Variants in SRRM4 observed in about 807,000 individuals in gnomAD.
SRRM4 encodes serine/arginine repetitive matrix 4, also known as serine/arginine repetitive matrix protein 4.
In SRRM4, 33 loss-of-function variants were observed where a neutral mutation model predicts 68.9. The ratio of observed to expected loss-of-function variants is 0.48; its 90% CI spans 0.36 to 0.64. The LOEUF is 0.64. Among genes scored for constraint, SRRM4 ranks in the 30% least tolerant of loss-of-function variants. The pLI is 0.00. For missense variants in SRRM4, 817 were observed against 827.1 expected, an observed-to-expected ratio of 0.99 and a Z score of 0.15; for synonymous variants, 318 against 318.8, an observed-to-expected ratio of 1.00 and a Z score of 0.03.
Position 119,032,270 on chromosome 12 carries a change from A to C in SRRM4, c.131+50257A>C, listed in dbSNP as rs76094712. Among the ~76,000 whole-genome samples, 472 of 152,324 alleles carry C rather than the reference A, an allele frequency of 3.1e-3. 3 individuals are homozygous for C. The highest frequency in any genetic ancestry group is 0.01 in the African/African-American group (423 of 41,582). ...GTGGAAATACCAATCCTGTTATTTCAGTTTTCTGCATTAATTAGAAATTCC... is the reference window on the plus strand; with the variant it reads ...GTGGAAATACCAATCCTGTTATTTCCGTTTTCTGCATTAATTAGAAATTCC... On this transcript the variant is annotated intron_variant, in intron 1 of 12. Transcript: ENST00000267260.
chr12:119,081,496 A>G (rs1242976621), intron 1 of SRRM4, among the ~76,000 whole-genome samples: 1 of 152,194 alleles, frequency 6.6e-6, no homozygotes, highest in East Asian at 1.9e-4. Flanking sequence ...AGTGGAGAGA[A>G]CAAGGGGAAA....
intron 1 of SRRM4, among the ~76,000 whole-genome samples, chr12:119,093,657 T>G (rs1954027496): frequency 6.6e-6 from 1 of 152,166 alleles, no homozygotes; most frequent in South Asian, 2.1e-4. Flanking sequence ...GTGACACAAC[T>G]TAGCAGAATC....
chr12:118,983,650 G>A (rs1953264177), intron 1 of SRRM4, among the ~76,000 whole-genome samples: 1 of 152,064 alleles, frequency 6.6e-6, no homozygotes, highest in African/African-American at 2.4e-5. Flanking sequence ...TTAGTCCAGA[G>A]TCTTCCATCT....
intron 1 of SRRM4, among the ~76,000 whole-genome samples, chr12:119,053,841 G>A (rs879584680): frequency 4.3e-4 from 66 of 152,170 alleles, no homozygotes; most frequent in Admixed American, 2.4e-3. Flanking sequence ...ACATCATGGA[G>A]AATGCAGTAT....
At chr12:119,096,339 T>A (rs1187339995) in intron 1 of SRRM4, among the ~76,000 whole-genome samples, 2 of 151,974 alleles carry the variant, frequency 1.3e-5, no homozygotes, top group African/African-American at 4.8e-5. Context: ...GGCCTCTCAG[T>A]TGATTCTTAT....
intron 8 of SRRM4, among the ~76,000 whole-genome samples, chr12:119,141,356 G>A (rs533244703): frequency 4.6e-5 from 7 of 152,218 alleles, no homozygotes; most frequent in Admixed American, 4.6e-4. Flanking sequence ...TGAATGTATC[G>A]AAATATCACA....
chr12:119,017,685 C>T (rs1482941878), intron 1 of SRRM4, among the ~76,000 whole-genome samples: 2 of 152,164 alleles, frequency 1.3e-5, no homozygotes, highest in East Asian at 3.9e-4. Flanking sequence ...CGGGGGCAGT[C>T]GAGAGTGAAG....
intron 1 of SRRM4, among the ~76,000 whole-genome samples, chr12:118,993,502 C>A (rs974342978): frequency 1.3e-5 from 2 of 152,148 alleles, no homozygotes; most frequent in African/African-American, 2.4e-5. Flanking sequence ...ATATCAATAG[C>A]CTTAGGAAGA....
rs1384988324 is a variant in SRRM4, at chr12:119,154,294, G to C, written c.1443G>C (p.Glu481Asp). 1.9e-6 allele frequency: 3 copies of C among 1,611,638 alleles called. No homozygotes were observed. Among genetic ancestry groups the C allele is most frequent in the Non-Finnish European group, 2.5e-6 (3 of 1,179,036 alleles). ...AGGACTCGCAGCAGCGGGAGCGCGA[G>C]CGAGCGCGTCGGAGACGTCGGTCCT... ...SEKDSQQRER[E>D]RARRRRRSYS... Residue 481 changes from glutamate (E) to aspartate (D), a missense_variant, in exon 12 of 13, where the codon GAG (glutamate) becomes GAC (aspartate). Coordinates refer to ENST00000267260, the MANE Select transcript of SRRM4 (RefSeq NM_194286.4). This position sits in a 1 kb window ranked among gnomAD's most constrained non-coding sequence, Gnocchi z 4.7.
At chr12:119,073,637 T>C (rs536023380) in intron 1 of SRRM4, among the ~76,000 whole-genome samples, 12 of 152,192 alleles carry the variant, frequency 7.9e-5, no homozygotes, top group Non-Finnish European at 1.8e-4. Context: ...TCTCTCTTTT[T>C]TGAGACAAAG....
At chr12:119,013,906 C>T (rs1953465195) in intron 1 of SRRM4, among the ~76,000 whole-genome samples, 1 of 149,180 alleles carries the variant, frequency 6.7e-6, no homozygotes, top group Admixed American at 6.8e-5. Flanking sequence ...TCATTGCCCA[C>T]CCCAAAGTGT....
chr12:119,151,000 C>G lies in SRRM4; in HGVS notation c.1077-17C>G. 6.2e-7 allele frequency: 1 copy of G among 1,612,864 alleles called. No homozygotes were observed. The highest frequency in any genetic ancestry group is 8.5e-7 in the Non-Finnish European group (1 of 1,179,236). On this transcript the variant is annotated splice_polypyrimidine_tract_variant and intron_variant, in intron 9 of 12. Coordinates refer to ENST00000267260, the MANE Select transcript of SRRM4 (RefSeq NM_194286.4). The stretch of plus-strand genomic sequence containing the variant: ...GTAGTGGGCAGTCGGTGCTCATGGA[C>G]ATTTTCCCACCTGCAGGGGATTTCA...
rs763212452 is a variant in SRRM4 at position 119,156,480 on chromosome 12, C to G, written c.1533-15C>G. 3 of 1,581,608 alleles carry G rather than the reference C, an allele frequency of 1.9e-6. No individual in the cohort carries two copies. Among genetic ancestry groups the G allele is most frequent in the South Asian group, 1.2e-5 (1 of 85,488 alleles). On this transcript the variant is annotated splice_polypyrimidine_tract_variant and intron_variant, in intron 12 of 12. Transcript: ENST00000267260. Reference sequence around the variant, plus strand: ...AGGGGCCGGCCCTCATCCCTCCTCTCTCTGGTCTCTGCAGTGCCCGGAAAC... The same window carrying G: ...AGGGGCCGGCCCTCATCCCTCCTCTGTCTGGTCTCTGCAGTGCCCGGAAAC...
chr12:119,149,622 C>T (rs1178723601), intron 9 of SRRM4, among the ~76,000 whole-genome samples: 1 of 152,114 alleles, frequency 6.6e-6, no homozygotes, highest in East Asian at 1.9e-4. Flanking sequence ...TGAGGTCAAG[C>T]TAAAGCCAGA....
intron 1 of SRRM4, among the ~76,000 whole-genome samples, chr12:118,998,548 C>T (rs544698748): frequency 2.0e-5 from 3 of 152,180 alleles, no homozygotes; most frequent in Non-Finnish European, 2.9e-5. Context: ...ACATTTACTA[C>T]GCTGTTGGTG....
chr12:119,047,310 T>C (rs1273497715), intron 1 of SRRM4, among the ~76,000 whole-genome samples: 2 of 152,186 alleles, frequency 1.3e-5, no homozygotes, highest in Admixed American at 1.3e-4. Flanking sequence ...AGATTAATCA[T>C]TTCTTTTATT....
chr12:119,011,131 T>TA (rs989660976), intron 1 of SRRM4, among the ~76,000 whole-genome samples: 1 of 152,108 alleles, frequency 6.6e-6, no homozygotes, highest in South Asian at 2.1e-4. Context: ...ACATATTTAA[T>TA]AAAAAATGTT....
chr12:119,143,882 C>T (rs1403050488), intron 8 of SRRM4, among the ~76,000 whole-genome samples: 1 of 152,110 alleles, frequency 6.6e-6, no homozygotes, highest in Admixed American at 6.6e-5. Context: ...GATTTCTCAT[C>T]CCATAGGGAT....
intron 2 of SRRM4, among the ~76,000 whole-genome samples, chr12:119,104,052 A>G (rs1267687310): frequency 1.3e-5 from 2 of 152,214 alleles, no homozygotes; most frequent in African/African-American, 4.8e-5. Context: ...TGAGTGTACA[A>G]ATCTTGACCC....
Sources: gnomAD v4.1 joint callset for allele counts (sites outside exome capture counted in the v4.1 genomes callset) on GRCh38, gnomAD v4.1.1 for gene constraint, Gnocchi (gnomAD v3.1) non-coding constraint, MANE v1.5 for transcripts, NCBI Gene and HGNC (gene_info 2026-07-23, HGNC 2026-07-21) for gene names.